The following ALMS1 variants were observed in gnomAD, a reference collection of about 807,000 sequenced individuals.
The protein encoded by ALMS1 is centrosome-associated protein ALMS1.
ALMS1 carries 271 observed loss-of-function variants against 352.2 expected under a neutral mutation model. That is an observed-to-expected ratio of 0.77 (90% CI 0.70 to 0.85). The LOEUF is 0.85. ALMS1 is among the 40% of genes least tolerant of loss of function. The pLI is 0.00. For missense variants in ALMS1, 5,445 were observed against 4,870.7 expected, an observed-to-expected ratio of 1.12 and a Z score of -3.51; for synonymous variants, 1,865 against 1,761.2, an observed-to-expected ratio of 1.06 and a Z score of -1.48.
At chr2:73,548,945 T>C (rs769273947) in intron 12 of ALMS1, among the ~76,000 whole-genome samples, 1 of 152,074 alleles carries the variant, frequency 6.6e-6, no homozygotes, top group Non-Finnish European at 1.5e-5. Context: ...TAAGAGAAAG[T>C]GATGTTACAG....
chr2:73,500,840 G>T (rs1336792962), intron 10 of ALMS1, among the ~76,000 whole-genome samples: 1 of 152,076 alleles, frequency 6.6e-6, no homozygotes, highest in Non-Finnish European at 1.5e-5. Context: ...ATTTTCCACA[G>T]TCTTCCAATA....
intron 9 of ALMS1, among the ~76,000 whole-genome samples, chr2:73,482,233 T>G (rs1393266154): frequency 6.6e-6 from 1 of 152,220 alleles, no homozygotes; most frequent in East Asian, 1.9e-4. Context: ...ATAACTCTTA[T>G]TATTTTGAAA....
rs1407932856 is a variant in ALMS1 at position 73,489,903 on chromosome 2, A to G, written c.7944A>G (p.Leu2648=). The G allele has an allele frequency of 1.9e-6, 3 of 1,614,092 alleles. No homozygotes were observed. Among genetic ancestry groups the G allele is most frequent in the East Asian group, 4.5e-5 (2 of 44,898 alleles). The change falls in exon 10 of 23, where the codon TTA becomes TTG. Residue 2648 remains leucine (L), a synonymous_variant. Transcript: ENST00000613296. ...TCAAAGTTTGGAATTCCTTGCAGTT[A>G]AAAAGTCATTCCCCATTTCAGAACT... ...SHFKVWNSLQ[L]KSHSPFQNFI...
intron 10 of ALMS1, among the ~76,000 whole-genome samples, chr2:73,497,491 C>T (rs1305120395): frequency 6.6e-6 from 1 of 151,862 alleles, no homozygotes; most frequent in Non-Finnish European, 1.5e-5. Context: ...AGTTCCAGAC[C>T]ACTGCAATAA....
At chr2:73,575,935 G>A (rs1468669047) in intron 16 of ALMS1, among the ~76,000 whole-genome samples, 1 of 151,996 alleles carries the variant, frequency 6.6e-6, no homozygotes. Context: ...TTCTTCTTAA[G>A]AGTTTAATAA....
intron 10 of ALMS1, among the ~76,000 whole-genome samples, chr2:73,492,060 A>G (rs943604004): frequency 6.6e-6 from 1 of 152,216 alleles, no homozygotes; most frequent in Non-Finnish European, 1.5e-5. Flanking sequence ...CCCTGATATG[A>G]TGCCCCACCT....
intron 16 of ALMS1, among the ~76,000 whole-genome samples, chr2:73,591,741 G>T (rs1573046011): frequency 6.6e-6 from 1 of 152,132 alleles, no homozygotes; most frequent in African/African-American, 2.4e-5. Context: ...AGTTATTAAA[G>T]CCAAGAGGAA....
At chr2:73,485,323 A>C (rs1011958946) in intron 9 of ALMS1, among the ~76,000 whole-genome samples, 24 of 151,946 alleles carry the variant, frequency 1.6e-4, no homozygotes, top group Non-Finnish European at 2.7e-4. Context: ...GGTCTGTTGG[A>C]ATACCCTGCC....
intron 9 of ALMS1, chr2:73,457,915 C>T (rs1672104704): frequency 6.6e-6 from 1 of 151,188 alleles, no homozygotes; most frequent in South Asian, 2.1e-4. Flanking sequence ...TGCCTGTAAT[C>T]CTAGCTACTC....
At chr2:73,581,972 G>A (rs1675192327) in intron 16 of ALMS1, among the ~76,000 whole-genome samples, 1 of 152,080 alleles carries the variant, frequency 6.6e-6, no homozygotes, top group African/African-American at 2.4e-5. Flanking sequence ...TTGATCTCCT[G>A]ACCTCGTGAT....
chr2:73,491,347 C>A lies in ALMS1; in HGVS notation c.9388C>A (p.Pro3130Thr), dbSNP rs777469429. Residue 3130 changes from proline (P) to threonine (T), a missense_variant, in exon 10 of 23, where the codon CCT becomes ACT. Pro to Thr is a conservative substitution (Grantham distance 38). Coordinates refer to ENST00000613296, the MANE Select transcript of ALMS1 (RefSeq NM_001378454.1). ...TTCACTGGATTTCCAAGTCGTACAGCCTTCTCTTCCAGACAGTAACACTAT... is the reference window on the plus strand; with the variant it reads ...TTCACTGGATTTCCAAGTCGTACAGACTTCTCTTCCAGACAGTAACACTAT... Reference protein sequence around the residue: ...KSSLDFQVVQPSLPDSNTITQ... With the variant: ...KSSLDFQVVQTSLPDSNTITQ... The A allele has an allele frequency of 6.2e-7, 1 of 1,614,072 alleles. No homozygotes were observed. Among genetic ancestry groups the A allele is most frequent in the African/African-American group, 1.3e-5 (1 of 74,936 alleles).
At chr2:73,464,690 G>C (rs1672289931) in intron 9 of ALMS1, among the ~76,000 whole-genome samples, 1 of 152,152 alleles carries the variant, frequency 6.6e-6, no homozygotes. Context: ...TGTATATCTA[G>C]AAAACCCCGT....
In ALMS1 at chr2:73,609,617, A is replaced by G; in HGVS notation, c.*5A>G. 1 of 1,613,872 alleles carries G rather than the reference A, an allele frequency of 6.2e-7. No homozygotes were observed. Among genetic ancestry groups the G allele is most frequent in the African/African-American group, 1.3e-5 (1 of 75,050 alleles). On this transcript the variant is annotated 3_prime_UTR_variant, in exon 23 of 23. Transcript: ENST00000613296. ...AGAAAAGTTCCCTGGGACTGACACA[A>G]GTTTATTTTCCTCAGAGCCTTGGAA...
chr2:73,514,705 TC>T (rs1673521932), intron 10 of ALMS1, among the ~76,000 whole-genome samples: 1 of 152,224 alleles, frequency 6.6e-6, no homozygotes, highest in African/African-American at 2.4e-5. Context: ...TGGATCATTT[TC>T]CTTCAGCCTA....
intron 15 of ALMS1, among the ~76,000 whole-genome samples, chr2:73,563,863 AACAG>A (rs1448258280): frequency 6.6e-6 from 1 of 151,450 alleles, no homozygotes; most frequent in Non-Finnish European, 1.5e-5. Flanking sequence ...AAAAAAATAA[AACAG>A]ACAACCCTAG....
At chr2:73,580,204 A>G (rs757151672) in intron 16 of ALMS1, among the ~76,000 whole-genome samples, 2 of 152,120 alleles carry the variant, frequency 1.3e-5, no homozygotes, top group African/African-American at 2.4e-5. Flanking sequence ...CAGCTTTCCG[A>G]GTAGCTGGGA....
At chr2:73,411,873 G>A (rs910811877) in intron 2 of ALMS1, among the ~76,000 whole-genome samples, 5 of 152,042 alleles carry the variant, frequency 3.3e-5, no homozygotes, top group Admixed American at 6.6e-5. Flanking sequence ...CTACCTGTAT[G>A]TAGTTACTCA....
At chr2:73,405,385 G>A (rs1286538445) in intron 1 of ALMS1, among the ~76,000 whole-genome samples, 1 of 152,052 alleles carries the variant, frequency 6.6e-6, no homozygotes, top group East Asian at 1.9e-4. Context: ...GTTGTTCATA[G>A]TATTCTCCTA....
chr2:73,426,384 C>T (rs1671378719), intron 5 of ALMS1, 69 bp from the exon 6 acceptor site: 3 of 1,513,502 alleles, frequency 2.0e-6, no homozygotes, highest in African/African-American at 2.7e-5. Flanking sequence ...GGTGAAAGTC[C>T]TTCGTGTGTG....
Sources: allele counts gnomAD v4.1 joint callset (sites outside exome capture counted in the v4.1 genomes callset), GRCh38; gene constraint gnomAD v4.1.1; transcripts MANE v1.5; gene names NCBI Gene and HGNC (gene_info 2026-07-23, HGNC 2026-07-21).